Variants in PHF14 observed in about 807,000 individuals in gnomAD.
PHF14 encodes the protein PHD finger protein 14.
PHF14 carries 55 observed loss-of-function variants against 117.9 expected under a neutral mutation model. The ratio of observed to expected loss-of-function variants is 0.47; its 90% confidence interval spans 0.38 to 0.58. PHF14 has a LOEUF of 0.58. Ranked by LOEUF, PHF14 falls within the 20% of genes least tolerant of loss-of-function variation. The pLI, the probability that PHF14 is intolerant of heterozygous loss-of-function variation, is 0.00. For synonymous variants in PHF14, 409 were observed against 368.6 expected (o/e 1.11, Z -1.26); for missense variants, 978 against 1,122.2 (o/e 0.87, Z 1.84).
intron 1 of PHF14, among the ~76,000 whole-genome samples, chr7:10,974,625 G>T (rs1329410399): frequency 6.6e-6 from 1 of 152,118 alleles, no homozygotes; most frequent in Non-Finnish European, 1.5e-5. Flanking sequence ...GCAGCATCAG[G>T]GCTGGAGCTG....
chr7:11,037,314 A>AT (rs1432161794), intron 10 of PHF14, among the ~76,000 whole-genome samples: 1 of 152,112 alleles, frequency 6.6e-6, no homozygotes, highest in Non-Finnish European at 1.5e-5. Flanking sequence ...GTATTATTTA[A>AT]TTCCCAGCTT....
At chr7:11,144,490 A>C (rs1371944936) in intron 17 of PHF14, among the ~76,000 whole-genome samples, 1 of 151,190 alleles carries the variant, frequency 6.6e-6, no homozygotes, top group Non-Finnish European at 1.5e-5. Context: ...AGAGATACCT[A>C]CACCCCCATG....
chr7:11,089,130 G>T (rs574135536), intron 16 of PHF14, among the ~76,000 whole-genome samples: 1 of 150,040 alleles, frequency 6.7e-6, no homozygotes, highest in Admixed American at 6.6e-5. Context: ...TCAGTTAACC[G>T]CAGCAAATAA....
chr7:11,034,020 G>T (rs1231611869), intron 7 of PHF14, among the ~76,000 whole-genome samples: 1 of 152,170 alleles, frequency 6.6e-6, no homozygotes, highest in East Asian at 1.9e-4. Context: ...GCCTGTAAAT[G>T]ATAGAGCCAA....
chr7:11,074,309 C>G (rs1024685769), intron 16 of PHF14, among the ~76,000 whole-genome samples: 19 of 151,596 alleles, frequency 1.3e-4, no homozygotes, highest in African/African-American at 4.6e-4. Flanking sequence ...CTCCCGGGTT[C>G]ATACCATTCT....
chr7:10,991,330 A>G (rs1782440899), intron 4 of PHF14, among the ~76,000 whole-genome samples: 1 of 152,178 alleles, frequency 6.6e-6, no homozygotes. Flanking sequence ...GGCACGAGCC[A>G]CCATGCCTGG....
chr7:11,050,465 A>G (rs1784821847), intron 13 of PHF14, among the ~76,000 whole-genome samples: 1 of 152,156 alleles, frequency 6.6e-6, no homozygotes, highest in Admixed American at 6.6e-5. Flanking sequence ...GTCCTTTATG[A>G]TTGACAATAT....
chr7:10,988,733 C>T (rs1652466734), intron 3 of PHF14, among the ~76,000 whole-genome samples: 2 of 152,028 alleles, frequency 1.3e-5, no homozygotes, highest in African/African-American at 2.4e-5. Flanking sequence ...AGAGATACAG[C>T]GGAAAGGAAA....
At chr7:11,168,659 A>T (rs745536490) in intron 17 of PHF14, among the ~76,000 whole-genome samples, 10 of 152,332 alleles carry the variant, frequency 6.6e-5, no homozygotes, top group Admixed American at 2.0e-4. Flanking sequence ...TAAATCAGAA[A>T]TATTAGGAAA....
chr7:10,980,411 T>C (rs1782010847), intron 2 of PHF14, among the ~76,000 whole-genome samples: 1 of 152,192 alleles, frequency 6.6e-6, no homozygotes, highest in African/African-American at 2.4e-5. Context: ...CTCTGGTTAT[T>C]ATTTATTAAA....
chr7:11,066,634 A>G lies in PHF14; in HGVS notation c.2654+4549A>G, dbSNP rs188059720. On this transcript the variant is annotated intron_variant, in intron 16 of 17. Transcript: ENST00000634607. ...TAGAGTTAAGGAAGGTTTGTTTATTATCTGCCCCATGTGGATTCCCAGTAT... is the reference window on the plus strand; with the variant it reads ...TAGAGTTAAGGAAGGTTTGTTTATTGTCTGCCCCATGTGGATTCCCAGTAT... Among the ~76,000 whole-genome samples the G allele has an allele frequency of 2.8e-4, 42 of 152,326 alleles. No homozygotes were observed. In the East Asian group the frequency reaches 7.0e-3, roughly 25 times the overall value.
chr7:11,092,963 C>G (rs1292368729), intron 16 of PHF14, among the ~76,000 whole-genome samples: 2 of 152,168 alleles, frequency 1.3e-5, no homozygotes, highest in African/African-American at 4.8e-5. Flanking sequence ...TTCTAGATTG[C>G]TCTGAAATAG....
At chr7:11,129,842 TAAG>T (rs1426259040) in intron 17 of PHF14, among the ~76,000 whole-genome samples, 1 of 151,938 alleles carries the variant, frequency 6.6e-6, no homozygotes, top group African/African-American at 2.4e-5. Flanking sequence ...TAAATGCCAT[TAAG>T]AAGTATAGGT....
At chr7:10,990,884 C>G (rs1782424958) in intron 4 of PHF14, 37 bp downstream of exon 4, 1 of 1,471,460 alleles carries the variant, frequency 6.8e-7, no homozygotes, top group Non-Finnish European at 9.3e-7. Flanking sequence ...TTAGAAATGG[C>G]TGACTGTGGC....
chr7:11,105,730 T>A (rs549475481), intron 16 of PHF14: 605 of 984,764 alleles, frequency 6.1e-4, no homozygotes, highest in Admixed American at 1.9e-3. Context: ...TTTCCCATAG[T>A]GCTCACTTTA....
chr7:11,162,091 T>G (rs1373981056), intron 17 of PHF14, among the ~76,000 whole-genome samples: 82 of 82,170 alleles, frequency 1.0e-3, no homozygotes, highest in African/African-American at 5.8e-3. Flanking sequence ...TTTTTTTTTT[T>G]TTTTTTTTTT....
At chr7:11,102,708 A>C in intron 16 of PHF14, 1 of 1,407,426 alleles carries the variant, frequency 7.1e-7, no homozygotes, top group Admixed American at 2.8e-5. Flanking sequence ...TGTTACTTGG[A>C]CTAACAAGGC....
At chr7:11,156,507 C>G (rs10270849) in intron 17 of PHF14, among the ~76,000 whole-genome samples, 2,975 of 152,162 alleles carry the variant, frequency 0.02, 104 homozygotes, top group African/African-American at 0.068. Context: ...TAGAAATTCA[C>G]TTTCTGGCCG....
At chr7:11,075,490 A>AGG (rs1785803762) in intron 16 of PHF14, among the ~76,000 whole-genome samples, 1 of 151,360 alleles carries the variant, frequency 6.6e-6, no homozygotes, top group Non-Finnish European at 1.5e-5. Context: ...GAGAAAGAGG[A>AGG]GGAAGCATCA....
Sources: gnomAD v4.1 joint callset for allele counts (sites outside exome capture counted in the v4.1 genomes callset) on GRCh38, gnomAD v4.1.1 for gene constraint, MANE v1.5 for transcripts, NCBI Gene and HGNC (gene_info 2026-07-23, HGNC 2026-07-21) for gene names.